Variants in ESRRG observed in about 807,000 individuals in gnomAD.
ESRRG encodes estrogen related receptor gamma.
A neutral mutation model predicts 44.0 loss-of-function variants in ESRRG; 13 were observed. That is an observed-to-expected ratio of 0.30 (90% CI 0.19 to 0.47). The LOEUF is 0.47. Among genes scored for constraint, ESRRG ranks in the 20% least tolerant of loss-of-function variants. The pLI is 1.00. For missense variants in ESRRG, 395 were observed against 580.6 expected (o/e 0.68, Z 3.29); for synonymous variants, 215 against 214.6 (o/e 1.00, Z -0.02).
intron 5 of ESRRG, among the ~76,000 whole-genome samples, chr1:216,529,817 T>C (rs761320384): frequency 5.3e-5 from 8 of 152,016 alleles, no homozygotes; most frequent in Non-Finnish European, 1.0e-4. Flanking sequence ...AATTTATAAT[T>C]AGTGACTTAG....
intron 5 of ESRRG, among the ~76,000 whole-genome samples, chr1:216,560,527 T>C (rs1301127595): frequency 2.6e-5 from 4 of 152,202 alleles, no homozygotes; most frequent in Non-Finnish European, 4.4e-5. Context: ...TAAAGCACCA[T>C]CTGACTAAGC....
chr1:216,895,843 A>G (rs758253338), intron 2 of ESRRG, among the ~76,000 whole-genome samples: 5 of 152,156 alleles, frequency 3.3e-5, no homozygotes, highest in Non-Finnish European at 7.4e-5. Flanking sequence ...AAGTGGCAGC[A>G]TTCCCCCATC....
chr1:216,692,117 T>A (rs187812810), intron 1 of ESRRG, among the ~76,000 whole-genome samples: 6 of 152,230 alleles, frequency 3.9e-5, no homozygotes, highest in East Asian at 3.9e-4. Flanking sequence ...TATTAAAAAA[T>A]TTTTTTTAAA....
intron 3 of ESRRG, among the ~76,000 whole-genome samples, chr1:216,632,722 T>A (rs1032697121): frequency 1.3e-5 from 2 of 152,118 alleles, no homozygotes; most frequent in African/African-American, 2.4e-5. Flanking sequence ...TAGGTTTTTT[T>A]ATTTTTTTTT....
chr1:216,800,596 A>T (rs1173358817), intron 2 of ESRRG, among the ~76,000 whole-genome samples: 1 of 152,202 alleles, frequency 6.6e-6, no homozygotes, highest in African/African-American at 2.4e-5. Context: ...ATTTTCTCAA[A>T]TTGAAATAAC....
chr1:216,945,859 G>A (rs1381471809), intron 1 of ESRRG, among the ~76,000 whole-genome samples: 1 of 152,144 alleles, frequency 6.6e-6, no homozygotes, highest in African/African-American at 2.4e-5. Flanking sequence ...GATTCTGATG[G>A]TTGGTCTGAT....
chr1:217,001,137 A>G (rs1448369092), intron 1 of ESRRG, among the ~76,000 whole-genome samples: 1 of 152,238 alleles, frequency 6.6e-6, no homozygotes, highest in Non-Finnish European at 1.5e-5. Flanking sequence ...TGGTTCAACT[A>G]ATTTCTTCCT....
chr1:216,764,383 C>T (rs888993292), intron 2 of ESRRG, among the ~76,000 whole-genome samples: 1 of 151,978 alleles, frequency 6.6e-6, no homozygotes, highest in African/African-American at 2.4e-5. Context: ...GATTCTCCTG[C>T]CTCACCTCCT....
rs368689484 is a variant in ESRRG, at chr1:217,038,611, G to A, written c.-106+50896C>T. 9.2e-5 allele frequency among the ~76,000 whole-genome samples: 14 copies of A among 152,324 alleles called. No homozygotes were observed. The East Asian group carries it at 2.7e-3, about 29-fold the overall frequency. On this transcript the variant is annotated intron_variant, in intron 1 of 7. Coordinates refer to the ESRRG transcript ENST00000359162. ...GAGCAGCTGGAACACAGGGTACCAA[G>A]TCCCTAGGCTGCATAGAGCAGGGGG...
intron 6 of ESRRG, among the ~76,000 whole-genome samples, chr1:216,511,041 G>T (rs759027147): frequency 4.6e-5 from 7 of 152,044 alleles, no homozygotes; most frequent in African/African-American, 7.2e-5. Flanking sequence ...TTAGATACAG[G>T]CACAGTATAT....
At chr1:216,977,933 G>A (rs1038487675) in intron 1 of ESRRG, among the ~76,000 whole-genome samples, 7 of 152,086 alleles carry the variant, frequency 4.6e-5, no homozygotes, top group South Asian at 2.1e-4. Flanking sequence ...TTGCTTGCAC[G>A]TGCTCTCTTG....
At chr1:216,813,954 T>C (rs774751926) in intron 2 of ESRRG, among the ~76,000 whole-genome samples, 1 of 152,298 alleles carries the variant, frequency 6.6e-6, no homozygotes, top group Non-Finnish European at 1.5e-5. Flanking sequence ...TGATTCACAA[T>C]AAAGAGATTA....
At chr1:216,612,558 C>T (rs1460381269) in intron 3 of ESRRG, among the ~76,000 whole-genome samples, 1 of 152,176 alleles carries the variant, frequency 6.6e-6, no homozygotes, top group Non-Finnish European at 1.5e-5. Context: ...GTTTCCCTCC[C>T]CACTTCTCTG....
chr1:216,505,387 T>G lies in ESRRG; in HGVS notation c.*1552A>C, dbSNP rs2041021596. 6.6e-6 allele frequency: 1 copy of G among 152,604 alleles called. No homozygotes were observed. Among genetic ancestry groups the G allele is most frequent in the South Asian group, 2.1e-4 (1 of 4,830 alleles). 9.5% of individuals were successfully genotyped at this position (152,604 alleles called of 1,614,324 possible). ...ACTGCAGATTAATTTAAACGAACAT[T>G]CCTAAATGAATAAACTTATATGGAT... On this transcript the variant is annotated 3_prime_UTR_variant, in exon 7 of 7. Coordinates refer to ENST00000408911, the MANE Select transcript of ESRRG (RefSeq NM_001438.4).
At chr1:217,004,839 A>C (rs1190774181) in intron 1 of ESRRG, among the ~76,000 whole-genome samples, 1 of 152,176 alleles carries the variant, frequency 6.6e-6, no homozygotes, top group African/African-American at 2.4e-5. Context: ...TGCCATGATA[A>C]ATGGTATATC....
chr1:216,525,665 C>G lies in ESRRG; in HGVS notation c.863-6244G>C, dbSNP rs143292104. Among the ~76,000 whole-genome samples the G allele has an allele frequency of 3.3e-3, 496 of 152,060 alleles. 2 individuals are homozygous for G. The highest frequency in any genetic ancestry group is 4.6e-3 in the Non-Finnish European group (313 of 67,994). On this transcript the variant is annotated intron_variant, in intron 5 of 6. Coordinates refer to ENST00000408911, the MANE Select transcript of ESRRG (RefSeq NM_001438.4). The stretch of plus-strand genomic sequence containing the variant: ...GAAAGCAATGCCATATAATATAGGA[C>G]TCTAAAAAATATATTTAAAAAAGGC...
At chr1:216,513,483 T>G (rs1380645483) in intron 6 of ESRRG, among the ~76,000 whole-genome samples, 1 of 152,306 alleles carries the variant, frequency 6.6e-6, no homozygotes, top group Non-Finnish European at 1.5e-5. Flanking sequence ...AGCTCTCCAT[T>G]AAGATACTGT....
chr1:217,092,964 G>A (rs1009566508), upstream of ESRRG, among the ~76,000 whole-genome samples: 2 of 151,490 alleles, frequency 1.3e-5, no homozygotes, highest in African/African-American at 4.9e-5. Context: ...AGCATTCTAT[G>A]ATAAGGTAGA....
intron 1 of ESRRG, among the ~76,000 whole-genome samples, chr1:217,130,505 G>A (rs960610060): frequency 6.6e-6 from 1 of 152,030 alleles, no homozygotes; most frequent in Admixed American, 6.6e-5. Context: ...CAAAGAGCTG[G>A]GACTGCAGGT....
Sources: gnomAD v4.1 joint callset for allele counts (sites outside exome capture counted in the v4.1 genomes callset) on GRCh38, gnomAD v4.1.1 for gene constraint, MANE v1.5 for transcripts, NCBI Gene and HGNC (gene_info 2026-07-23, HGNC 2026-07-21) for gene names.